Variants in SRRM4 observed in about 807,000 individuals in gnomAD.
SRRM4 encodes the protein serine/arginine repetitive matrix 4, also known as serine/arginine repetitive matrix protein 4.
Under a neutral mutation model 68.9 loss-of-function variants are expected in SRRM4, and 33 were observed. That is an observed-to-expected ratio of 0.48 (90% CI 0.36 to 0.64). SRRM4 has a LOEUF of 0.64. SRRM4 is among the 30% of genes least tolerant of loss of function. SRRM4 has a pLI of 0.00. For synonymous variants in SRRM4, 318 were observed against 318.8 expected (o/e 1.00, Z 0.03); for missense variants, 817 against 827.1 (o/e 0.99, Z 0.15).
At chr12:119,025,349 G>A (rs1276853501) in intron 1 of SRRM4, among the ~76,000 whole-genome samples, 3 of 152,110 alleles carry the variant, frequency 2.0e-5, no homozygotes, top group South Asian at 4.1e-4. Context: ...GGACAGTCAG[G>A]CAGAGTCCAG....
chr12:118,988,177 T>C (rs1953294545), intron 1 of SRRM4, among the ~76,000 whole-genome samples: 2 of 151,866 alleles, frequency 1.3e-5, no homozygotes, highest in Admixed American at 6.6e-5. Flanking sequence ...TGGAGTCCCT[T>C]GCTTATAGTC....
At chr12:119,131,445 G>C (rs1944093674) in intron 8 of SRRM4, among the ~76,000 whole-genome samples, 1 of 152,206 alleles carries the variant, frequency 6.6e-6, no homozygotes, top group South Asian at 2.1e-4. Flanking sequence ...GAAGAATCAA[G>C]GCTCAGAGAG....
intron 2 of SRRM4, among the ~76,000 whole-genome samples, chr12:119,109,397 A>G (rs7964729): frequency 0.21 from 32,020 of 152,132 alleles, 4,200 homozygotes; most frequent in South Asian, 0.28. Context: ...GTTCTGGATA[A>G]TATCCTGAAG....
intron 1 of SRRM4, among the ~76,000 whole-genome samples, chr12:119,028,192 C>T (rs1953561548): frequency 6.6e-6 from 1 of 152,118 alleles, no homozygotes; most frequent in African/African-American, 2.4e-5. Context: ...ATTTTGAGAG[C>T]CAATGCCTTA....
At chr12:119,031,799 A>G (rs536984624) in intron 1 of SRRM4, among the ~76,000 whole-genome samples, 4 of 152,272 alleles carry the variant, frequency 2.6e-5, no homozygotes, top group South Asian at 2.1e-4. Flanking sequence ...CCCATTAAAA[A>G]AAGCTGTTCA....
At chr12:119,052,590 G>A (rs373239612) in intron 1 of SRRM4, among the ~76,000 whole-genome samples, 3 of 152,058 alleles carry the variant, frequency 2.0e-5, no homozygotes, top group Admixed American at 6.6e-5. Flanking sequence ...GTGTAGTAGC[G>A]CGATCTCGGC....
Position 119,156,838 on chromosome 12 carries a change from T to G in SRRM4, c.*40T>G. 1 of 1,481,404 alleles carries G rather than the reference T, an allele frequency of 6.8e-7. No individual in the cohort carries two copies. Among genetic ancestry groups the G allele is most frequent in the East Asian group, 2.5e-5 (1 of 40,306 alleles). 91.8% of individuals were successfully genotyped at this position (1,481,404 alleles called of 1,614,324 possible). A position where few individuals can be genotyped will look rare whatever the true frequency, so the allele number is the denominator to read the frequency against. On this transcript the variant is annotated 3_prime_UTR_variant, in exon 13 of 13. Coordinates refer to ENST00000267260, the MANE Select transcript of SRRM4 (RefSeq NM_194286.4). ...GCTGCCCGTGGGGGCCCCTTCGCGC[T>G]GCCAGCCTCCCCCAACCACCTGCCC...
chr12:119,120,951 G>C (rs73213769), intron 5 of SRRM4, among the ~76,000 whole-genome samples: 4,838 of 152,302 alleles, frequency 0.032, 82 homozygotes, highest in Non-Finnish European at 0.042. Context: ...ACCACATCTA[G>C]AGCAATCTGC....
intron 1 of SRRM4, among the ~76,000 whole-genome samples, chr12:119,042,905 G>A (rs1358335869): frequency 6.6e-6 from 1 of 152,184 alleles, no homozygotes; most frequent in Non-Finnish European, 1.5e-5. Context: ...AGGCTGGCAA[G>A]GCTGCGGAGA....
chr12:118,981,870 C>CT lies in SRRM4; in HGVS notation c.-10dup. On this transcript the variant is annotated 5_prime_UTR_variant, in exon 1 of 13. Coordinates refer to ENST00000267260, the MANE Select transcript of SRRM4 (RefSeq NM_194286.4). ...GACAGCGCCCCGGACGCCCCGGCCCCTTTGGGTTGGCGATGGCGAGCGTTC... is the reference window on the plus strand; with the variant it reads ...GACAGCGCCCCGGACGCCCCGGCCCCTTTTGGGTTGGCGATGGCGAGCGTTC... 1.9e-6 allele frequency: 3 copies of CT among 1,612,938 alleles called. No individual in the cohort carries two copies. Among genetic ancestry groups the CT allele is most frequent in the East Asian group, 2.2e-5 (1 of 44,836 alleles).
At chr12:119,110,012 T>C (rs1954132344) in intron 2 of SRRM4, among the ~76,000 whole-genome samples, 1 of 152,208 alleles carries the variant, frequency 6.6e-6, no homozygotes. Flanking sequence ...TTGGTGTGGA[T>C]GTCCTTTCTG....
intron 1 of SRRM4, among the ~76,000 whole-genome samples, chr12:119,039,800 C>T (rs1423019724): frequency 1.3e-5 from 2 of 152,104 alleles, no homozygotes; most frequent in Non-Finnish European, 2.9e-5. Context: ...GCCTTTGATA[C>T]CTGGGCTAAA....
At chr12:119,031,418 G>C (rs1156765963) in intron 1 of SRRM4, 2 of 152,110 alleles carry the variant, frequency 1.3e-5, no homozygotes, top group African/African-American at 4.8e-5. Context: ...ATATTCTATT[G>C]GTTAGAAGGA....
chr12:119,085,706 C>T lies in SRRM4; in HGVS notation c.132-16530C>T, dbSNP rs147806910. ...ACAGCTTTGTCTCCTGCATGGACAT[C>T]AGGCTGGCCAGGGTCAGGGTGAAAG... On this transcript the variant is annotated intron_variant, in intron 1 of 12. Transcript: ENST00000267260. 1.8e-3 allele frequency among the ~76,000 whole-genome samples: 280 copies of T among 152,292 alleles called. 1 individual carries two copies. The highest frequency in any genetic ancestry group is 6.5e-3 in the African/African-American group (271 of 41,570).
chr12:119,130,285 TAGAC>T (rs1171958431), intron 7 of SRRM4, among the ~76,000 whole-genome samples: 3 of 151,236 alleles, frequency 2.0e-5, no homozygotes, highest in Non-Finnish European at 2.9e-5. Flanking sequence ...GATGGTTGCT[TAGAC>T]AGATGGATGG....
chr12:119,049,187 C>G (rs1953726269), intron 1 of SRRM4, among the ~76,000 whole-genome samples: 1 of 152,144 alleles, frequency 6.6e-6, no homozygotes, highest in Non-Finnish European at 1.5e-5. Flanking sequence ...TGGCATTGGA[C>G]AGGTGTCCCA....
intron 1 of SRRM4, among the ~76,000 whole-genome samples, chr12:118,986,217 G>A (rs1285141599): frequency 6.6e-6 from 1 of 152,214 alleles, no homozygotes; most frequent in East Asian, 1.9e-4. Context: ...AGGGGCTGTT[G>A]AGAGGCGATT....
rs1011115418 is a variant in SRRM4 at position 119,046,996 on chromosome 12, C to T, written c.132-55240C>T. ...GCAGTGAGCTGAGATCTCGCCACTGCACTCTAGCCTGGGTGACAGAGTGAG... is the reference window on the plus strand; with the variant it reads ...GCAGTGAGCTGAGATCTCGCCACTGTACTCTAGCCTGGGTGACAGAGTGAG... On this transcript the variant is annotated intron_variant, in intron 1 of 12. Transcript: ENST00000267260. Among the ~76,000 whole-genome samples, 3 of 144,882 alleles carry T rather than the reference C, an allele frequency of 2.1e-5. No individual in the cohort carries two copies. In the Admixed American group the frequency reaches 2.1e-4, roughly 10 times the overall value.
At chr12:119,067,337 T>C (rs1942862545) in intron 1 of SRRM4, among the ~76,000 whole-genome samples, 1 of 152,208 alleles carries the variant, frequency 6.6e-6, no homozygotes, top group Non-Finnish European at 1.5e-5. Flanking sequence ...TCTTATCATA[T>C]TTCTTATTGT....
Sources: allele counts gnomAD v4.1 joint callset (sites outside exome capture counted in the v4.1 genomes callset), GRCh38; gene constraint gnomAD v4.1.1; transcripts MANE v1.5; gene names NCBI Gene and HGNC (gene_info 2026-07-23, HGNC 2026-07-21).